Variants in PRKD2 observed in about 807,000 individuals in gnomAD.
PRKD2 encodes serine/threonine-protein kinase D2.
In PRKD2, 22 loss-of-function variants were observed where a neutral mutation model predicts 86.0. The observed-to-expected ratio is 0.26, with a 90% CI of 0.18 to 0.37. The LOEUF (loss-of-function observed/expected upper bound fraction) is 0.37. PRKD2 is among the 10% of genes least tolerant of loss of function. The pLI is 1.00. For synonymous variants in PRKD2, 509 were observed against 510.9 expected, an observed-to-expected ratio of 1.00 and a Z score of 0.05; for missense variants, 818 against 1,199.2, an observed-to-expected ratio of 0.68 and a Z score of 4.70.
chr19:46,716,364 T>TGGCCATGGGGGGAGGC lies in PRKD2; in HGVS notation c.-10_6dup (p.Thr3AlafsTer86), dbSNP rs2053881717. On this transcript the variant is annotated frameshift_variant, in exon 1 of 18. Coordinates refer to ENST00000291281, the MANE Select transcript of PRKD2 (RefSeq NM_016457.5). LOFTEE classifies it high-confidence loss of function. This position sits in a 1 kb window ranked among gnomAD's most constrained non-coding sequence, Gnocchi z 7.9. ...AGCCCGGCGGGATAAGAGGGGGCGG[T>TGGCCATGGGGGGAGGC]GGCCATGGGGGGAGGCCGGGGACCG... 1 of 1,155,648 alleles carries TGGCCATGGGGGGAGGC rather than the reference T, an allele frequency of 8.7e-7. No individual in the cohort carries two copies. The highest frequency in any genetic ancestry group is 1.1e-6 in the Non-Finnish European group (1 of 916,882). 71.6% of individuals were successfully genotyped at this position (1,155,648 alleles called of 1,614,324 possible). A position where few individuals can be genotyped will look rare whatever the true frequency, so the allele number is the denominator to read the frequency against.
intron 15 of PRKD2, among the ~76,000 whole-genome samples, chr19:46,680,955 T>A: frequency 1.6e-5 from 2 of 125,406 alleles, no homozygotes; most frequent in African/African-American, 5.7e-5. Flanking sequence ...TATTTTTTTT[T>A]TTTTTTTTGA....
chr19:46,675,772 CCT>C (rs2122530979), intron 16 of PRKD2, among the ~76,000 whole-genome samples: 1 of 151,276 alleles, frequency 6.6e-6, no homozygotes, highest in South Asian at 2.1e-4. Flanking sequence ...TACAATACTT[CCT>C]TTTTTTTTTT....
At chr19:46,697,871 G>T in intron 7 of PRKD2, 21 bp from the exon 8 acceptor site, 1 of 1,585,670 alleles carries the variant, frequency 6.3e-7, no homozygotes, top group Non-Finnish European at 8.7e-7. Context: ...AGAGGAAGGG[G>T]TGAGAAGTCA....
intron 12 of PRKD2, 54 bp from the exon 13 acceptor site, chr19:46,690,760 G>A: frequency 6.6e-7 from 1 of 1,506,664 alleles, no homozygotes; most frequent in Non-Finnish European, 9.2e-7. Context: ...ACCCAGTCCT[G>A]GCAGGAGTAT....
chr19:46,698,825 A>G (rs2053596578), intron 7 of PRKD2, among the ~76,000 whole-genome samples: 1 of 152,138 alleles, frequency 6.6e-6, no homozygotes, highest in Admixed American at 6.6e-5. Flanking sequence ...CTAGATCAGA[A>G]CCTGGGTGGC....
chr19:46,704,371 G>A lies in PRKD2; in HGVS notation c.687C>T (p.Leu229=), dbSNP rs2053680569. ...AGGATGACGGGGGACGGCGAGGCAG[G>A]AGTTCGGTGGTGCTACGGCTCTGTC... ...AEELSRSTTE[L]LPRRPPSSSS... is the part of the protein sequence containing the mutation. Residue 229 remains leucine (L), a synonymous_variant, in exon 5 of 18, where the codon CTC becomes CTT. Transcript: ENST00000291281. 3.1e-6 allele frequency: 5 copies of A among 1,614,050 alleles called. No individual in the cohort carries two copies. The highest frequency in any genetic ancestry group is 4.2e-6 in the Non-Finnish European group (5 of 1,180,018).
In PRKD2 at chr19:46,678,355, C is replaced by T; in HGVS notation, c.2338+41G>A. 1.9e-6 allele frequency: 3 copies of T among 1,604,388 alleles called. No homozygotes were observed. Among genetic ancestry groups the T allele is most frequent in the African/African-American group, 1.3e-5 (1 of 74,826 alleles). The stretch of plus-strand genomic sequence containing the variant: ...CTCCGCCCACTTCTCCAGCCCCACC[C>T]CACAACCCACCCGCCCATGGGGTAG... On this transcript the variant is annotated intron_variant, in intron 16 of 17. Transcript: ENST00000291281. This position sits in a 1 kb window ranked among gnomAD's most constrained non-coding sequence, Gnocchi z 5.7.
chr19:46,704,191 G>A lies in PRKD2; in HGVS notation c.867C>T (p.Phe289=), dbSNP rs1288038217. The A allele has an allele frequency of 6.2e-7, 1 of 1,614,124 alleles. No individual in the cohort carries two copies. Among genetic ancestry groups the A allele is most frequent in the East Asian group, 2.2e-5 (1 of 44,884 alleles). ...QACKKLLKGL[F]RQGLQCKDCK... ...AACCTTTGCATTGCAGGCCCTGCCG[G>A]AAGAGGCCCTTGAGGAGTTTCTTGC... Residue 289 remains phenylalanine (F), a synonymous_variant, in exon 5 of 18, where the codon TTC becomes TTT. Coordinates refer to ENST00000291281, the MANE Select transcript of PRKD2 (RefSeq NM_016457.5).
intron 7 of PRKD2, among the ~76,000 whole-genome samples, chr19:46,698,268 GC>G (rs1181515132): frequency 6.6e-6 from 1 of 152,000 alleles, no homozygotes; most frequent in Admixed American, 6.6e-5. Flanking sequence ...CCTAACTCCT[GC>G]CCCTAGTCCC....
chr19:46,677,831 G>A (rs978486802), intron 16 of PRKD2, among the ~76,000 whole-genome samples: 4 of 152,056 alleles, frequency 2.6e-5, no homozygotes, highest in Admixed American at 6.6e-5. Flanking sequence ...AACCCTCCAC[G>A]GCCACGTCCC....
At chr19:46,711,323 C>A (rs937142517) in intron 2 of PRKD2, among the ~76,000 whole-genome samples, 57 of 152,316 alleles carry the variant, frequency 3.7e-4, no homozygotes, top group African/African-American at 1.3e-3. Flanking sequence ...TTCTGGAGAC[C>A]GGCTGCACAA....
chr19:46,674,765 G>A, intron 17 of PRKD2, 30 bp from the exon 18 acceptor site: 1 of 1,591,446 alleles, frequency 6.3e-7, no homozygotes, highest in Non-Finnish European at 8.5e-7. Context: ...GGTTAGCTTG[G>A]GGTCTGCATT....
chr19:46,674,880 A>AC, intron 17 of PRKD2, 145 bp from the exon 18 acceptor site: 2 of 1,153,144 alleles, frequency 1.7e-6, no homozygotes, highest in Non-Finnish European at 2.5e-6. Flanking sequence ...ATTTAGCTCC[A>AC]CCCCCTCTTC....
intron 16 of PRKD2, among the ~76,000 whole-genome samples, chr19:46,677,621 C>G (rs556235417): frequency 7.2e-5 from 11 of 152,108 alleles, no homozygotes; most frequent in Non-Finnish European, 1.6e-4. Context: ...CTTTTCCAAG[C>G]AGGGAAAGTT....
intron 7 of PRKD2, 55 bp downstream of exon 7, chr19:46,700,744 G>A (rs2053623289): frequency 6.4e-7 from 1 of 1,564,036 alleles, no homozygotes; most frequent in Non-Finnish European, 8.7e-7. Flanking sequence ...AGAAATTGAG[G>A]TTCACTGTGC....
chr19:46,702,582 T>G (rs1294122672), intron 5 of PRKD2, among the ~76,000 whole-genome samples: 1 of 152,216 alleles, frequency 6.6e-6, no homozygotes, highest in Non-Finnish European at 1.5e-5. Flanking sequence ...TTTCTATGCT[T>G]CTTTAGCTCT....
intron 12 of PRKD2, among the ~76,000 whole-genome samples, 198 bp from the exon 13 acceptor site, chr19:46,690,904 AAAAC>A (rs994081292): frequency 4.6e-5 from 7 of 152,174 alleles, no homozygotes; most frequent in Admixed American, 6.6e-5. Context: ...AGGAAAGCAA[AAAAC>A]AAACAAAAAG....
intron 16 of PRKD2, among the ~76,000 whole-genome samples, chr19:46,676,272 C>A (rs1425170984): frequency 6.6e-6 from 1 of 151,920 alleles, no homozygotes; most frequent in Non-Finnish European, 1.5e-5. Flanking sequence ...ACTAAAAATA[C>A]AAAAAATTAG....
At position 46,678,790 on chromosome 19, in the gene PRKD2, G is replaced by T; in HGVS notation, c.2071-127C>A. On this transcript the variant is annotated intron_variant, in intron 15 of 17. Transcript: ENST00000291281. The surrounding 1 kb of genome is among the most constrained non-coding windows in gnomAD (Gnocchi z 5.7). ...TGCTGGTTTGAATCCAGGCTCCTTG[G>T]CTCACTAGCTGAGCAACCCTGGGCA... 8.5e-7 allele frequency: 1 copy of T among 1,180,686 alleles called. No individual in the cohort carries two copies. The highest frequency in any genetic ancestry group is 1.2e-6 in the Non-Finnish European group (1 of 856,794). The allele number at this position is 1,180,686 out of a possible 1,614,324, so 73.1% of individuals were successfully genotyped here. A position where few individuals can be genotyped will look rare whatever the true frequency, so the allele number is the denominator to read the frequency against.
Sources: gnomAD v4.1 joint callset for allele counts (sites outside exome capture counted in the v4.1 genomes callset) on GRCh38, gnomAD v4.1.1 for gene constraint, Gnocchi (gnomAD v3.1) non-coding constraint, MANE v1.5 for transcripts, NCBI Gene and HGNC (gene_info 2026-07-23, HGNC 2026-07-21) for gene names.